The following ZZEF1 variants were observed in gnomAD, a reference collection of about 807,000 sequenced individuals.
ZZEF1 encodes the protein zinc finger ZZ-type and EF-hand domain containing 1, also known as zinc finger ZZ-type and EF-hand domain-containing protein 1.
ZZEF1 carries 157 observed loss-of-function variants against 342.8 expected under a neutral mutation model. The ratio of observed to expected loss-of-function variants is 0.46; its 90% CI spans 0.40 to 0.52. The LOEUF is 0.52. Among genes scored for constraint, ZZEF1 ranks in the 20% least tolerant of loss-of-function variants. ZZEF1 has a pLI of 0.00. For synonymous variants in ZZEF1, 1,505 were observed against 1,429.1 expected (o/e 1.05, Z -1.20); for missense variants, 3,480 against 3,725.6 (o/e 0.93, Z 1.72).
chr17:4,032,861 G>T lies in ZZEF1; in HGVS notation c.6726C>A (p.Ile2242=). The T allele has an allele frequency of 6.2e-7, 1 of 1,614,212 alleles. No homozygotes were observed. The change falls in exon 41 of 55, where the codon ATC becomes ATA. Residue 2242 remains isoleucine (I), a synonymous_variant. Transcript: ENST00000381638. ...AGCCAACCAGCACGAGCAGGGTGAAGATGTTGGTGTGCTTCAGCTGGAATG... is the reference window on the plus strand; with the variant it reads ...AGCCAACCAGCACGAGCAGGGTGAATATGTTGGTGTGCTTCAGCTGGAATG... ...QLPFQLKHTN[I]FTLLVLVGFP...
At chr17:4,040,252 A>G (rs566488840) in intron 39 of ZZEF1, among the ~76,000 whole-genome samples, 31 of 152,366 alleles carry the variant, frequency 2.0e-4, no homozygotes, top group African/African-American at 7.5e-4. Flanking sequence ...TTCTAGCGCA[A>G]CAAAAAATGA....
At chr17:4,074,059 C>T in intron 24 of ZZEF1, 91 bp downstream of exon 24, 2 of 1,399,914 alleles carry the variant, frequency 1.4e-6, no homozygotes, top group East Asian at 2.3e-5. Flanking sequence ...AACCCCCTGC[C>T]ATTACGTGGA....
intron 27 of ZZEF1, among the ~76,000 whole-genome samples, chr17:4,066,930 T>A (rs1045284870): frequency 2.6e-5 from 4 of 152,192 alleles, no homozygotes; most frequent in Admixed American, 2.6e-4. Context: ...TCTACGGAGT[T>A]CCACGAAGGG....
chr17:4,094,019 T>C (rs1261088929), intron 11 of ZZEF1, among the ~76,000 whole-genome samples: 2 of 152,196 alleles, frequency 1.3e-5, no homozygotes, highest in Admixed American at 6.5e-5. Flanking sequence ...CTGGCTTTCC[T>C]GCTGCTTGTC....
chr17:4,101,968 T>C (rs910887991), intron 9 of ZZEF1, among the ~76,000 whole-genome samples: 7 of 152,128 alleles, frequency 4.6e-5, no homozygotes, highest in African/African-American at 1.7e-4. Context: ...CAGTCAGTAG[T>C]AAAGTGCTAC....
intron 42 of ZZEF1, among the ~76,000 whole-genome samples, chr17:4,026,512 C>CA (rs1279107443): frequency 6.1e-5 from 9 of 147,640 alleles, no homozygotes; most frequent in Admixed American, 1.4e-4. Context: ...AGACAAACAT[C>CA]TTTTTTTTTT....
chr17:4,029,124 A>G (rs1416044960), intron 42 of ZZEF1, among the ~76,000 whole-genome samples: 1 of 152,222 alleles, frequency 6.6e-6, no homozygotes, highest in East Asian at 1.9e-4. Context: ...CCTAATTAAC[A>G]TCTATAGGAT....
In ZZEF1 at chr17:4,121,061, G is replaced by A. The variant is rs963731003; in HGVS notation, c.499+2846C>T. Among the ~76,000 whole-genome samples, 37 of 152,180 alleles carry A rather than the reference G, an allele frequency of 2.4e-4. 1 individual carries two copies. Among genetic ancestry groups the A allele is most frequent in the Admixed American group, 2.0e-4 (3 of 15,272 alleles). ...CTGATGAATTGGGTGCTGATGAAAA[G>A]TTTTGAGTAGGAAGTCCTAAGTCAT... On this transcript the variant is annotated intron_variant, in intron 2 of 54. Coordinates refer to ENST00000381638, the MANE Select transcript of ZZEF1 (RefSeq NM_015113.4).
At chr17:4,063,961 C>T (rs2057336859) in intron 29 of ZZEF1, among the ~76,000 whole-genome samples, 1 of 151,982 alleles carries the variant, frequency 6.6e-6, no homozygotes, top group African/African-American at 2.4e-5. Context: ...CACCTGACCT[C>T]GGGTGATCCA....
chr17:4,056,384 C>T (rs1411975500), intron 32 of ZZEF1, 39 bp from the exon 33 acceptor site: 9 of 1,536,514 alleles, frequency 5.9e-6, no homozygotes, highest in South Asian at 2.6e-5. Context: ...CATGCCTCTC[C>T]CAATCACCAA....
At position 4,004,980 on chromosome 17, in the gene ZZEF1, A is replaced by G. The variant is rs1423950474; in HGVS notation, c.*1910T>C. 1 of 152,306 alleles carries G rather than the reference A, an allele frequency of 6.6e-6. No homozygotes were observed. Among genetic ancestry groups the G allele is most frequent in the East Asian group, 1.9e-4 (1 of 5,196 alleles). 9.4% of individuals were successfully genotyped at this position (152,306 alleles called of 1,614,324 possible). A position where few individuals can be genotyped will look rare whatever the true frequency, so the allele number is the denominator to read the frequency against. Reference sequence around the variant, plus strand: ...TACAGCTGATCTTCCTGACGGGAGGATGGAGTACAGCGGCGGCCACTGCCA... The same window carrying G: ...TACAGCTGATCTTCCTGACGGGAGGGTGGAGTACAGCGGCGGCCACTGCCA... On this transcript the variant is annotated 3_prime_UTR_variant, in exon 55 of 55. Transcript: ENST00000381638.
At chr17:4,046,111 G>A (rs893554372) in intron 37 of ZZEF1, among the ~76,000 whole-genome samples, 4 of 152,202 alleles carry the variant, frequency 2.6e-5, no homozygotes, top group Non-Finnish European at 5.9e-5. Context: ...ACAGGCATGA[G>A]CCACCACGCC....
chr17:4,122,989 G>C (rs547403347), intron 2 of ZZEF1, among the ~76,000 whole-genome samples: 1 of 144,654 alleles, frequency 6.9e-6, no homozygotes, highest in Non-Finnish European at 1.5e-5. Context: ...GTGCGATCTC[G>C]GCTCACTGCA....
chr17:4,014,082 G>A lies in ZZEF1; in HGVS notation c.8413+8C>T, dbSNP rs370146572. The A allele has an allele frequency of 6.2e-6, 10 of 1,613,380 alleles. No individual in the cohort carries two copies. The African/African-American group carries it at 1.2e-4, about 19-fold the overall frequency. ...AGATGGTGTGAACGCAAAGCCCAGA[G>A]CACACACCTGTCTGGAACCGCCCCA... On this transcript the variant is annotated splice_region_variant and intron_variant, in intron 51 of 54. Coordinates refer to ENST00000381638, the MANE Select transcript of ZZEF1 (RefSeq NM_015113.4). The surrounding 1 kb of genome is among the most constrained non-coding windows in gnomAD (Gnocchi z 4.4).
intron 42 of ZZEF1, among the ~76,000 whole-genome samples, chr17:4,030,173 T>C (rs1245812624): frequency 1.3e-5 from 2 of 152,096 alleles, no homozygotes; most frequent in East Asian, 1.9e-4. Flanking sequence ...GATACCAAAG[T>C]TGGTCCTTTG....
Position 4,064,004 on chromosome 17 carries a change from A to C in ZZEF1, c.4718+357T>G, listed in dbSNP as rs1313997191. 2.0e-5 allele frequency among the ~76,000 whole-genome samples: 3 copies of C among 152,066 alleles called. No individual in the cohort carries two copies. The East Asian group carries it at 5.8e-4, about 29-fold the overall frequency. On this transcript the variant is annotated intron_variant, in intron 29 of 54. Transcript: ENST00000381638. ...CAGCCTCCCAAATTGCTGGGATTAC[A>C]GGCGTGAGCCACCGCACCCAGCCTC...
intron 28 of ZZEF1, 64 bp downstream of exon 28, chr17:4,066,383 G>A: frequency 6.8e-7 from 1 of 1,478,728 alleles, no homozygotes; most frequent in African/African-American, 1.4e-5. Context: ...TGAGTAATTG[G>A]TTTTCCAGGC....
intron 28 of ZZEF1, among the ~76,000 whole-genome samples, chr17:4,065,508 G>A (rs954319372): frequency 3.3e-5 from 5 of 151,848 alleles, no homozygotes; most frequent in South Asian, 2.1e-4. Context: ...TCAAAATCTC[G>A]CCAGTACTAT....
intron 39 of ZZEF1, among the ~76,000 whole-genome samples, chr17:4,035,919 G>A (rs1186436578): frequency 6.6e-6 from 1 of 152,092 alleles, no homozygotes; most frequent in Non-Finnish European, 1.5e-5. Context: ...GGCCAACATG[G>A]TGAAACCCTG....
Sources: gnomAD v4.1 joint callset for allele counts (sites outside exome capture counted in the v4.1 genomes callset) on GRCh38, gnomAD v4.1.1 for gene constraint, Gnocchi (gnomAD v3.1) non-coding constraint, MANE v1.5 for transcripts, NCBI Gene and HGNC (gene_info 2026-07-23, HGNC 2026-07-21) for gene names.